The following IL1RAPL1 variants were observed in gnomAD, a reference collection of about 807,000 sequenced individuals.
IL1RAPL1 encodes the protein interleukin 1 receptor accessory protein like 1, also known as interleukin-1 receptor accessory protein-like 1.
Under a neutral mutation model 48.4 loss-of-function variants are expected in IL1RAPL1, and 3 were observed. The ratio of observed to expected loss-of-function variants is 0.06; its 90% CI spans 0.03 to 0.16. The LOEUF (loss-of-function observed/expected upper bound fraction) is 0.16. Ranked by LOEUF, IL1RAPL1 falls within the 10% of genes least tolerant of loss-of-function variation. The pLI is 1.00. For missense variants in IL1RAPL1, 349 were observed against 530.6 expected, an observed-to-expected ratio of 0.66 and a Z score of 3.36; for synonymous variants, 185 against 187.7, an observed-to-expected ratio of 0.99 and a Z score of 0.12.
intron 5 of IL1RAPL1, among the ~76,000 whole-genome samples, chrX:29,592,186 T>C (rs887271378): frequency 2.7e-5 from 3 of 112,014 alleles, no homozygotes; most frequent in African/African-American, 9.7e-5. Context: ...AGAATATATA[T>C]ATATATCTTT....
chrX:28,637,633 A>G (rs953183301), intron 1 of IL1RAPL1, among the ~76,000 whole-genome samples: 2 of 112,097 alleles, frequency 1.8e-5, no homozygotes, highest in Admixed American at 1.9e-4. Context: ...AGAACATTGC[A>G]TCAAAGAATA....
intron 6 of IL1RAPL1, among the ~76,000 whole-genome samples, chrX:29,914,468 C>G (rs1221646353): frequency 9.0e-6 from 1 of 110,828 alleles, no homozygotes; most frequent in Non-Finnish European, 1.9e-5. Flanking sequence ...TTAGGCAACA[C>G]CTGGAGATTT....
At chrX:28,860,297 A>G (rs1601934748) in intron 2 of IL1RAPL1, among the ~76,000 whole-genome samples, 2 of 111,287 alleles carry the variant, frequency 1.8e-5, no homozygotes, top group South Asian at 7.5e-4. Flanking sequence ...CATCTGTTAA[A>G]TGGGGCTAAT....
intron 2 of IL1RAPL1, among the ~76,000 whole-genome samples, chrX:29,281,622 A>G (rs1267046813): frequency 9.0e-6 from 1 of 111,242 alleles, no homozygotes; most frequent in African/African-American, 3.3e-5. Flanking sequence ...CCAGAGCTCA[A>G]CTCACTTTTA....
At chrX:28,868,527 A>G (rs1922133123) in intron 2 of IL1RAPL1, among the ~76,000 whole-genome samples, 1 of 110,553 alleles carries the variant, frequency 9.0e-6, no homozygotes, top group Non-Finnish European at 1.9e-5. Context: ...CCATTTCTCA[A>G]GCCTTCAACA....
At chrX:29,565,928 A>G (rs1455239740) in intron 5 of IL1RAPL1, among the ~76,000 whole-genome samples, 2 of 111,840 alleles carry the variant, frequency 1.8e-5, no homozygotes, top group African/African-American at 6.5e-5. Flanking sequence ...TGTATGTTTC[A>G]ATATGTGGGG....
intron 2 of IL1RAPL1, among the ~76,000 whole-genome samples, chrX:29,109,605 G>C (rs915621022): frequency 9.0e-6 from 1 of 111,306 alleles, no homozygotes; most frequent in Admixed American, 9.6e-5. Context: ...GTAGAGGACA[G>C]AGCACTGCTG....
At chrX:29,393,271 G>A (rs1239109334) in intron 3 of IL1RAPL1, among the ~76,000 whole-genome samples, 26 of 111,490 alleles carry the variant, frequency 2.3e-4, no homozygotes, top group Non-Finnish European at 4.5e-4. Context: ...ACAGGCGCCC[G>A]CCACCACGCC....
intron 6 of IL1RAPL1, among the ~76,000 whole-genome samples, chrX:29,839,881 G>T (rs757418397): frequency 8.9e-6 from 1 of 112,186 alleles, no homozygotes; most frequent in African/African-American, 3.2e-5. Flanking sequence ...TGATCACGCC[G>T]CACCACTGCA....
At chrX:29,186,807 T>G (rs1427237298) in intron 2 of IL1RAPL1, among the ~76,000 whole-genome samples, 1 of 111,779 alleles carries the variant, frequency 8.9e-6, no homozygotes, top group African/African-American at 3.3e-5. Context: ...GTATGTACAT[T>G]TCATAGGTAA....
intron 6 of IL1RAPL1, among the ~76,000 whole-genome samples, chrX:29,765,891 T>G (rs1928870342): frequency 9.0e-6 from 1 of 110,888 alleles, no homozygotes; most frequent in East Asian, 2.8e-4. Context: ...CTCTGGCGAC[T>G]CATACTACAT....
intron 5 of IL1RAPL1, among the ~76,000 whole-genome samples, chrX:29,589,810 C>T (rs1923308001): frequency 9.0e-6 from 1 of 111,432 alleles, no homozygotes; most frequent in Admixed American, 9.6e-5. Flanking sequence ...AACAGACCAA[C>T]TAATTTCTAA....
intron 2 of IL1RAPL1, among the ~76,000 whole-genome samples, chrX:28,958,258 A>G (rs766941647): frequency 9.0e-6 from 1 of 111,507 alleles, no homozygotes; most frequent in East Asian, 2.8e-4. Context: ...CCTTTAAGCA[A>G]CATATCTTCA....
chrX:29,720,429 A>G (rs1006403974), intron 6 of IL1RAPL1, among the ~76,000 whole-genome samples: 4 of 112,061 alleles, frequency 3.6e-5, no homozygotes, highest in Non-Finnish European at 7.5e-5. Flanking sequence ...AGCCATAAAA[A>G]AGGATGAGTT....
At chrX:28,933,059 T>C (rs1923927492) in intron 2 of IL1RAPL1, among the ~76,000 whole-genome samples, 1 of 111,737 alleles carries the variant, frequency 8.9e-6, no homozygotes, top group Non-Finnish European at 1.9e-5. Flanking sequence ...AATTAATTAA[T>C]TCTAGGAATT....
At chrX:28,695,248 G>A (rs1165070997) in intron 1 of IL1RAPL1, among the ~76,000 whole-genome samples, 2 of 111,303 alleles carry the variant, frequency 1.8e-5, no homozygotes, top group African/African-American at 6.5e-5. Flanking sequence ...TGTGCTGGGA[G>A]TTCTACGTGT....
At chrX:29,513,631 T>C (rs1935416782) in intron 5 of IL1RAPL1, among the ~76,000 whole-genome samples, 1 of 112,231 alleles carries the variant, frequency 8.9e-6, no homozygotes, top group Non-Finnish European at 1.9e-5. Context: ...GTTAATGTAA[T>C]GAAACAAATG....
chrX:29,924,578 C>T (rs1932870720), intron 8 of IL1RAPL1, among the ~76,000 whole-genome samples: 1 of 111,970 alleles, frequency 8.9e-6, no homozygotes, highest in Admixed American at 9.5e-5. Context: ...TTAAACATTC[C>T]TAATGTATGA....
chrX:28,945,308 T>G (rs1924269274), intron 2 of IL1RAPL1, among the ~76,000 whole-genome samples: 1 of 111,406 alleles, frequency 9.0e-6, no homozygotes, highest in Admixed American at 9.6e-5. Flanking sequence ...CACGTATGTT[T>G]ATTACAGCAC....
Sources: gnomAD v4.1 joint callset for allele counts (sites outside exome capture counted in the v4.1 genomes callset) on GRCh38, gnomAD v4.1.1 for gene constraint, MANE v1.5 for transcripts, NCBI Gene and HGNC (gene_info 2026-07-23, HGNC 2026-07-21) for gene names.